POT1: variants seen among roughly 807,000 people sequenced by gnomAD.
POT1 encodes protection of telomeres 1, also known as protection of telomeres protein 1.
In POT1, 47 loss-of-function variants were observed where a neutral mutation model predicts 78.5. The observed-to-expected ratio is 0.60, with a 90% CI of 0.47 to 0.76. The LOEUF (loss-of-function observed/expected upper bound fraction) is 0.76. POT1 is among the 30% of genes least tolerant of loss of function. POT1 has a pLI of 0.00. For synonymous variants in POT1, 259 were observed against 260.7 expected, an observed-to-expected ratio of 0.99 and a Z score of 0.06; for missense variants, 646 against 749.9, an observed-to-expected ratio of 0.86 and a Z score of 1.62.
rs143179777 is a variant in POT1, at chr7:124,882,593, C to T, written c.124+9673G>A. On this transcript the variant is annotated intron_variant, in intron 6 of 18. Coordinates refer to ENST00000357628, the MANE Select transcript of POT1 (RefSeq NM_015450.3). ...GTTAGACATTGCATGAGTTCATAAA[C>T]GTTATTCTGGTGGAGTTTTACTTCC... 8.8e-3 allele frequency among the ~76,000 whole-genome samples: 1,337 copies of T among 151,874 alleles called. 8 individuals carry two copies. The highest frequency in any genetic ancestry group is 0.013 in the Non-Finnish European group (896 of 67,838).
chr7:124,873,063 T>C (rs1795909068), intron 6 of POT1, among the ~76,000 whole-genome samples: 1 of 152,208 alleles, frequency 6.6e-6, no homozygotes. Flanking sequence ...CCTCATATAC[T>C]TTAGATATTA....
At chr7:124,835,530 C>T in intron 14 of POT1, 116 bp from the exon 15 acceptor site, 1 of 1,111,004 alleles carries the variant, frequency 9.0e-7, no homozygotes, top group South Asian at 1.7e-5. Context: ...CAGAAAAAGA[C>T]AATGAATGTA....
intron 6 of POT1, among the ~76,000 whole-genome samples, chr7:124,873,777 T>C (rs748625316): frequency 6.6e-6 from 1 of 152,104 alleles, no homozygotes; most frequent in African/African-American, 2.4e-5. Flanking sequence ...AATGAAGGTA[T>C]AGAGATTGAA....
chr7:124,883,671 G>A (rs1209523328), intron 6 of POT1, among the ~76,000 whole-genome samples: 1 of 151,912 alleles, frequency 6.6e-6, no homozygotes, highest in African/African-American at 2.4e-5. Flanking sequence ...AGTGGGAGAA[G>A]CATGAACCAT....
intron 3 of POT1, among the ~76,000 whole-genome samples, chr7:124,901,915 A>G (rs1373034924): frequency 6.6e-6 from 1 of 152,186 alleles, no homozygotes; most frequent in African/African-American, 2.4e-5. Flanking sequence ...CAAGTGGAAG[A>G]AAGGGTATCA....
At chr7:124,927,161 C>T (rs1040975300) in intron 2 of POT1, among the ~76,000 whole-genome samples, 12 of 152,186 alleles carry the variant, frequency 7.9e-5, no homozygotes, top group African/African-American at 2.9e-4. Flanking sequence ...TTCATTTTTT[C>T]ACCTGACATT....
intron 12 of POT1, among the ~76,000 whole-genome samples, chr7:124,846,183 A>ACACACC (rs71520316): frequency 4.6e-5 from 7 of 151,330 alleles, no homozygotes; most frequent in African/African-American, 1.7e-4. Context: ...ACACACACAC[A>ACACACC]CCCCTATAAT....
At chr7:124,910,695 T>C (rs1796871375) in intron 3 of POT1, among the ~76,000 whole-genome samples, 1 of 151,964 alleles carries the variant, frequency 6.6e-6, no homozygotes, top group African/African-American at 2.4e-5. Context: ...AAATAAGTTA[T>C]TTAATCTCCT....
intron 2 of POT1, among the ~76,000 whole-genome samples, chr7:124,920,059 C>T (rs1797111941): frequency 6.6e-6 from 1 of 152,116 alleles, no homozygotes; most frequent in African/African-American, 2.4e-5. Flanking sequence ...AGCTATATCA[C>T]ATACTGTTGC....
At chr7:124,832,275 G>A (rs66823127) in intron 15 of POT1, among the ~76,000 whole-genome samples, 4 of 128,496 alleles carry the variant, frequency 3.1e-5, no homozygotes, top group Admixed American at 8.0e-5. Context: ...AAAAAAAAAA[G>A]TCTGAAATAA....
At chr7:124,912,118 T>C (rs1050941958) in intron 3 of POT1, among the ~76,000 whole-genome samples, 1 of 152,134 alleles carries the variant, frequency 6.6e-6, no homozygotes, top group Non-Finnish European at 1.5e-5. Context: ...ATTACAATAA[T>C]AGTAATGACA....
At chr7:124,850,091 ATAAAGTATAAT>A (rs891235056) in intron 11 of POT1, among the ~76,000 whole-genome samples, 9 of 152,342 alleles carry the variant, frequency 5.9e-5, no homozygotes, top group African/African-American at 2.2e-4. Context: ...TTTAAAAAGT[ATAAAGTATAAT>A]TACAAATTAT....
chr7:124,894,660 G>A (rs1024619685), intron 5 of POT1, among the ~76,000 whole-genome samples: 1 of 151,444 alleles, frequency 6.6e-6, no homozygotes, highest in Middle Eastern at 3.2e-3. Flanking sequence ...ACTTCAACAA[G>A]GTAATTAAAT....
intron 8 of POT1, among the ~76,000 whole-genome samples, 160 bp downstream of exon 8, chr7:124,863,190 T>A (rs376846221): frequency 2.0e-5 from 3 of 152,112 alleles, no homozygotes; most frequent in African/African-American, 4.8e-5. Flanking sequence ...GGTACAAGAG[T>A]AGAGCTGCAT....
intron 7 of POT1, 152 bp from the exon 8 acceptor site, chr7:124,863,792 T>G: frequency 3.2e-6 from 2 of 632,112 alleles, no homozygotes; most frequent in Non-Finnish European, 5.4e-6. Context: ...TTAATTAGCA[T>G]GTAAATTCTA....
intron 16 of POT1, chr7:124,828,960 C>T (rs760455060): frequency 1.6e-6 from 1 of 629,522 alleles, no homozygotes; most frequent in East Asian, 3.6e-5. Flanking sequence ...CAATGTCCAG[C>T]TCTGAATGCC....
chr7:124,861,676 C>T (rs1795601717), intron 8 of POT1, among the ~76,000 whole-genome samples: 1 of 152,104 alleles, frequency 6.6e-6, no homozygotes, highest in Non-Finnish European at 1.5e-5. Context: ...AAAGTCTTTG[C>T]CCATGCCTAT....
At chr7:124,885,247 G>A (rs967288582) in intron 6 of POT1, among the ~76,000 whole-genome samples, 34 of 138,102 alleles carry the variant, frequency 2.5e-4, no homozygotes, top group African/African-American at 8.6e-4. Flanking sequence ...CTTGAGACCA[G>A]GAGTTTTAGG....
rs1688233518 is a variant in POT1 at position 124,871,018 on chromosome 7, C to A, written c.148G>T (p.Val50Leu). The A allele has an allele frequency of 6.2e-7, 1 of 1,607,744 alleles. No homozygotes were observed. The highest frequency in any genetic ancestry group is 1.7e-5 in the Admixed American group (1 of 59,534). Residue 50 changes from valine (V) to leucine (L), a missense_variant, in exon 7 of 19, where the codon GTG becomes TTG. Physicochemically the swap from Val to Leu is conservative, Grantham distance 32. Transcript: ENST00000357628. ...GTDYCSVVTI[V>L]DQTNVKLTCL... ...GTTAGTTTTACATTTGTCTGGTCCACAATAGTTACAACTGAGCAATAATCT... is the reference window on the plus strand; with the variant it reads ...GTTAGTTTTACATTTGTCTGGTCCAAAATAGTTACAACTGAGCAATAATCT...
Sources: gnomAD v4.1 joint callset for allele counts (sites outside exome capture counted in the v4.1 genomes callset) on GRCh38, gnomAD v4.1.1 for gene constraint, MANE v1.5 for transcripts, NCBI Gene and HGNC (gene_info 2026-07-23, HGNC 2026-07-21) for gene names.